The following PLXNA2 variants were observed in gnomAD, a reference collection of about 807,000 sequenced individuals.
The protein encoded by PLXNA2 is plexin-A2.
A neutral mutation model predicts 193.5 loss-of-function variants in PLXNA2; 91 were observed. The observed-to-expected ratio is 0.47, with a 90% CI of 0.40 to 0.56. The LOEUF is 0.56. Among genes scored for constraint, PLXNA2 ranks in the 20% least tolerant of loss-of-function variants. The pLI is 0.00. For missense variants in PLXNA2, 1,995 were observed against 2,503.2 expected (o/e 0.80, Z 4.33); for synonymous variants, 997 against 1,027.3 (o/e 0.97, Z 0.56).
chr1:208,060,877 C>A (rs1257662331), intron 12 of PLXNA2, 40 bp from the exon 13 acceptor site: 1 of 1,604,274 alleles, frequency 6.2e-7, no homozygotes, highest in African/African-American at 1.3e-5. Context: ...GGTTTGGTCA[C>A]AGGAACAGAA....
At chr1:208,148,768 C>T (rs887602522) in intron 3 of PLXNA2, among the ~76,000 whole-genome samples, 4 of 152,154 alleles carry the variant, frequency 2.6e-5, no homozygotes, top group African/African-American at 9.7e-5. Context: ...CCAGGGAGAC[C>T]AGCACGGGGG....
intron 12 of PLXNA2, among the ~76,000 whole-genome samples, chr1:208,068,499 C>T (rs919995578): frequency 1.3e-5 from 2 of 152,232 alleles, no homozygotes; most frequent in Non-Finnish European, 2.9e-5. Context: ...TGCAGTCCTT[C>T]CAGCCTTTTC....
At chr1:208,210,582 A>T (rs1175759221) in intron 2 of PLXNA2, 120 bp from the exon 3 acceptor site, 10 of 789,756 alleles carry the variant, frequency 1.3e-5, no homozygotes. Context: ...CAGACATGGG[A>T]GTTCAGGGGC....
intron 26 of PLXNA2, among the ~76,000 whole-genome samples, chr1:208,036,638 A>G (rs1333022903): frequency 6.6e-6 from 1 of 152,230 alleles, no homozygotes; most frequent in African/African-American, 2.4e-5. Flanking sequence ...CATCATCATC[A>G]TCATCACAGT....
At chr1:208,238,253 C>T (rs1198352481) in intron 1 of PLXNA2, among the ~76,000 whole-genome samples, 1 of 152,228 alleles carries the variant, frequency 6.6e-6, no homozygotes, top group Non-Finnish European at 1.5e-5. Context: ...TCCTCCTCTT[C>T]CCTCTGAAAG....
In PLXNA2 at chr1:208,045,132, C is replaced by G. The variant is rs554841144; in HGVS notation, c.3574G>C (p.Val1192Leu). The change falls in exon 19 of 32, where the codon GTC becomes CTC. Residue 1192 changes from valine (V) to leucine (L), a missense_variant. Val to Leu is a conservative substitution (Grantham distance 32). Coordinates refer to ENST00000367033, the MANE Select transcript of PLXNA2 (RefSeq NM_025179.4). ...AGAAGCTGGGTCTCAGATACGGTGA[C>G]AGCACAAGGGGTCTCTCCGATGAGC... ...TVLIGETPCA[V>L]TVSETQLLCE... The G allele has an allele frequency of 6.2e-7, 1 of 1,614,140 alleles. No individual in the cohort carries two copies. The highest frequency in any genetic ancestry group is 1.1e-5 in the South Asian group (1 of 91,088).
chr1:208,029,022 A>G lies in PLXNA2; in HGVS notation c.5246T>C (p.Val1749Ala). ...KSNCLPLRFW[V>A]NVIKNPQFVF... ...GAACTGGGGGTTCTTAATCACGTTC[A>G]CCCAGAAGCGCAGAGGGAGGCTGTG... The change falls in exon 30 of 32, where the codon GTG (valine) becomes GCG (alanine). Residue 1749 changes from valine to alanine, a missense_variant. Coordinates refer to ENST00000367033, the MANE Select transcript of PLXNA2 (RefSeq NM_025179.4). 6.2e-7 allele frequency: 1 copy of G among 1,614,118 alleles called. No homozygotes were observed. The highest frequency in any genetic ancestry group is 8.5e-7 in the Non-Finnish European group (1 of 1,180,012).
At chr1:208,049,229 A>T (rs999854789) in intron 17 of PLXNA2, among the ~76,000 whole-genome samples, 1 of 152,098 alleles carries the variant, frequency 6.6e-6, no homozygotes, top group African/African-American at 2.4e-5. Context: ...CTATGAGTAG[A>T]ACAAGTTATA....
intron 4 of PLXNA2, among the ~76,000 whole-genome samples, chr1:208,105,641 C>T (rs542062121): frequency 6.6e-6 from 1 of 152,220 alleles, no homozygotes; most frequent in Non-Finnish European, 1.5e-5. Flanking sequence ...CAAGAAACAC[C>T]TTTCAGACAG....
chr1:208,038,848 G>A lies in PLXNA2; in HGVS notation c.4637C>T (p.Pro1546Leu), dbSNP rs750867318. Residue 1546 changes from proline to leucine, a missense_variant, in exon 25 of 32, where the codon CCG (proline) becomes CTG (leucine). This residue lies in a region of PLXNA2 where 1,291 missense variants were observed against 1,673.6 expected (regional missense o/e 0.77). Transcript: ENST00000367033. The surrounding 1 kb of genome is among the most constrained non-coding windows in gnomAD (Gnocchi z 4.1). ...ACCCAAGTCCATGTCCACTGCCCTC[G>A]GCCGCTGGGAATAGGGCACATTCTT... is the stretch of plus-strand genomic sequence containing the variant. ...VYKNVPYSQR[P>L]RAVDMDLEWR... 43 of 1,613,972 alleles carry A rather than the reference G, an allele frequency of 2.7e-5. No homozygotes were observed. The East Asian group carries it at 7.6e-4, about 28-fold the overall frequency.
intron 4 of PLXNA2, among the ~76,000 whole-genome samples, chr1:208,130,702 C>T (rs141548404): frequency 9.9e-5 from 15 of 152,264 alleles, no homozygotes; most frequent in African/African-American, 3.6e-4. Context: ...TTACCTACTC[C>T]TCCCCGGCCA....
At chr1:208,226,537 G>A (rs1671516706) in intron 1 of PLXNA2, among the ~76,000 whole-genome samples, 1 of 152,114 alleles carries the variant, frequency 6.6e-6, no homozygotes, top group Non-Finnish European at 1.5e-5. Context: ...CGGGGGCTCT[G>A]TTTCTTTCTG....
chr1:208,034,415 G>C, intron 27 of PLXNA2, 78 bp downstream of exon 27: 1 of 903,834 alleles, frequency 1.1e-6, no homozygotes, highest in Non-Finnish European at 1.8e-6. Flanking sequence ...CCTGCTGTTA[G>C]AAGGGGTAGC....
chr1:208,240,468 G>T (rs1448631886), intron 1 of PLXNA2, among the ~76,000 whole-genome samples: 2 of 152,154 alleles, frequency 1.3e-5, no homozygotes, highest in African/African-American at 4.8e-5. Context: ...AATCAGGCAT[G>T]AAATCTTTGT....
rs1171039085 is a variant in PLXNA2 at position 208,195,976 on chromosome 1, T to C, written c.1371+14304A>G. Among the ~76,000 whole-genome samples, 3 of 149,228 alleles carry C rather than the reference T, an allele frequency of 2.0e-5. No homozygotes were observed. In the East Asian group the frequency reaches 5.9e-4, roughly 30 times the overall value. On this transcript the variant is annotated intron_variant, in intron 3 of 31. Transcript: ENST00000367033. ...CTGAAGGTACAAGGGAGGTGGGGGG[T>C]ACATTATATGGCCTCATGGGGGAGT...
chr1:208,205,223 A>C (rs1670678383), intron 3 of PLXNA2, among the ~76,000 whole-genome samples: 1 of 152,176 alleles, frequency 6.6e-6, no homozygotes, highest in Non-Finnish European at 1.5e-5. Flanking sequence ...ATCATGTAAA[A>C]TGAGTTTCCA....
chr1:208,082,508 A>T lies in PLXNA2; in HGVS notation c.2299T>A (p.Tyr767Asn). 1 of 1,613,356 alleles carries T rather than the reference A, an allele frequency of 6.2e-7. No homozygotes were observed. Residue 767 changes from tyrosine to asparagine, a missense_variant and splice_region_variant, in exon 11 of 32, where the codon TAC becomes AAC. Physicochemically the swap from Tyr to Asn is moderately radical, Grantham distance 143 (BLOSUM62 -2). Coordinates refer to ENST00000367033, the MANE Select transcript of PLXNA2 (RefSeq NM_025179.4). The surrounding 1 kb of genome is among the most constrained non-coding windows in gnomAD (Gnocchi z 4.2). ...SSSVQCQNSS[Y>N]QYDGMDISNL... ...CTGATGTCCATGCCATCATACTGGT[A>T]CTATAGGGAGACGGGCAGAGGCATG...
intron 4 of PLXNA2, among the ~76,000 whole-genome samples, chr1:208,106,341 G>A (rs541673242): frequency 6.6e-6 from 1 of 152,256 alleles, no homozygotes; most frequent in Non-Finnish European, 1.5e-5. Context: ...CTCCATCCAG[G>A]CCAGTGCTAG....
intron 12 of PLXNA2, among the ~76,000 whole-genome samples, chr1:208,075,379 CA>C (rs1666115220): frequency 6.6e-6 from 1 of 151,990 alleles, no homozygotes; most frequent in Admixed American, 6.6e-5. Context: ...ATATTCTTGC[CA>C]AAAACACCAT....
Sources: allele counts gnomAD v4.1 joint callset (sites outside exome capture counted in the v4.1 genomes callset), GRCh38; gene constraint gnomAD v4.1.1; regional missense constraint gnomAD v4.1.1; non-coding constraint Gnocchi (gnomAD v3.1); transcripts MANE v1.5; gene names NCBI Gene and HGNC (gene_info 2026-07-23, HGNC 2026-07-21).